Variants in KCTD16 observed in about 807,000 individuals in gnomAD.
The protein encoded by KCTD16 is BTB/POZ domain-containing protein KCTD16.
A neutral mutation model predicts 33.2 loss-of-function variants in KCTD16; 13 were observed. That is an observed-to-expected ratio of 0.39 (90% CI 0.25 to 0.62). The LOEUF is 0.62. KCTD16 is among the 20% of genes least tolerant of loss of function. The pLI is 0.50. For missense variants in KCTD16, 441 were observed against 525.1 expected, an observed-to-expected ratio of 0.84 and a Z score of 1.57; for synonymous variants, 197 against 195.3, an observed-to-expected ratio of 1.01 and a Z score of -0.07.
chr5:144,369,769 C>A (rs979315496), intron 3 of KCTD16, among the ~76,000 whole-genome samples: 7 of 151,960 alleles, frequency 4.6e-5, no homozygotes, highest in Non-Finnish European at 1.0e-4. Flanking sequence ...TACAGCATTT[C>A]CCAGGTGTAA....
chr5:144,326,543 A>G (rs990131702), intron 3 of KCTD16, among the ~76,000 whole-genome samples: 3 of 152,128 alleles, frequency 2.0e-5, no homozygotes, highest in Non-Finnish European at 2.9e-5. Context: ...ATACTGTTTC[A>G]CATATAAAAC....
chr5:144,467,101 T>G (rs1754363972), intron 3 of KCTD16, among the ~76,000 whole-genome samples: 3 of 141,248 alleles, frequency 2.1e-5, no homozygotes, highest in South Asian at 4.3e-4. Context: ...ATATTATATA[T>G]AATATATATA....
intron 3 of KCTD16, among the ~76,000 whole-genome samples, chr5:144,356,748 A>T (rs1751580070): frequency 1.3e-5 from 2 of 152,102 alleles, no homozygotes; most frequent in Non-Finnish European, 1.5e-5. Context: ...AGGACAACAT[A>T]GTTTCTCCCC....
At chr5:144,461,997 T>C (rs1483629919) in intron 3 of KCTD16, among the ~76,000 whole-genome samples, 2 of 152,210 alleles carry the variant, frequency 1.3e-5, no homozygotes, top group East Asian at 3.9e-4. Flanking sequence ...AGAATTATAC[T>C]TTGTTTTCTT....
At chr5:144,293,104 C>G (rs1455362379) in intron 3 of KCTD16, among the ~76,000 whole-genome samples, 1 of 152,192 alleles carries the variant, frequency 6.6e-6, no homozygotes, top group African/African-American at 2.4e-5. Context: ...CTCACAGCAT[C>G]CAAATTCTAC....
At chr5:144,193,036 G>T (rs1025192945) in intron 2 of KCTD16, among the ~76,000 whole-genome samples, 5 of 152,232 alleles carry the variant, frequency 3.3e-5, no homozygotes, top group African/African-American at 9.6e-5. Context: ...ACCACCACCT[G>T]TACCCCCAAA....
intron 3 of KCTD16, among the ~76,000 whole-genome samples, chr5:144,329,645 T>C (rs1049169462): frequency 2.0e-5 from 3 of 152,184 alleles, no homozygotes; most frequent in South Asian, 2.1e-4. Context: ...TTAAATATAT[T>C]TGAAGGAATA....
At chr5:144,412,579 TAGA>T (rs1489573844) in intron 3 of KCTD16, among the ~76,000 whole-genome samples, 1 of 152,082 alleles carries the variant, frequency 6.6e-6, no homozygotes, top group Non-Finnish European at 1.5e-5. Context: ...TACAGTTTAA[TAGA>T]AGAAGATCGA....
At chr5:144,431,837 A>C (rs931539152) in intron 3 of KCTD16, among the ~76,000 whole-genome samples, 1 of 152,172 alleles carries the variant, frequency 6.6e-6, no homozygotes, top group Non-Finnish European at 1.5e-5. Flanking sequence ...GATTCATGGA[A>C]AAATTGCCTG....
At chr5:144,418,166 G>A (rs986988307) in intron 3 of KCTD16, among the ~76,000 whole-genome samples, 2 of 152,120 alleles carry the variant, frequency 1.3e-5, no homozygotes, top group African/African-American at 4.8e-5. Context: ...AGACCTTCTT[G>A]GCAAGTGTTA....
intron 3 of KCTD16, among the ~76,000 whole-genome samples, chr5:144,431,479 A>T (rs1220571183): frequency 6.6e-6 from 1 of 152,158 alleles, no homozygotes; most frequent in African/African-American, 2.4e-5. Flanking sequence ...TTACTAATGG[A>T]ATCAAGTTTG....
intron 2 of KCTD16, among the ~76,000 whole-genome samples, chr5:144,193,227 G>GTCA (rs1383805246): frequency 6.6e-6 from 1 of 152,130 alleles, no homozygotes; most frequent in Non-Finnish European, 1.5e-5. Flanking sequence ...ACCAGAACAT[G>GTCA]TCACTTCTAA....
chr5:144,439,145 G>A (rs925140061), intron 3 of KCTD16: 1 of 164,230 alleles, frequency 6.1e-6, no homozygotes, highest in African/African-American at 2.4e-5. Context: ...AATATTTGGT[G>A]CTGCTGGGAG....
chr5:144,178,351 G>A (rs1236987254), intron 2 of KCTD16, among the ~76,000 whole-genome samples: 2 of 152,042 alleles, frequency 1.3e-5, no homozygotes, highest in East Asian at 1.9e-4. Context: ...TAATCATAAT[G>A]CTTTTAATGT....
intron 2 of KCTD16, among the ~76,000 whole-genome samples, chr5:144,182,085 CAAAAAAAA>C (rs371259746): frequency 8.4e-6 from 1 of 119,426 alleles, no homozygotes; most frequent in Non-Finnish European, 1.9e-5. Flanking sequence ...AACTCCATCT[CAAAAAAAA>C]AAAAAAAAGT....
At chr5:144,471,714 C>G (rs1754480836) in intron 3 of KCTD16, among the ~76,000 whole-genome samples, 1 of 152,174 alleles carries the variant, frequency 6.6e-6, no homozygotes, top group Non-Finnish European at 1.5e-5. Context: ...ATATGCTGAA[C>G]AGTTTCTGTA....
At chr5:144,327,577 A>G (rs1469582675) in intron 3 of KCTD16, among the ~76,000 whole-genome samples, 1 of 152,138 alleles carries the variant, frequency 6.6e-6, no homozygotes, top group East Asian at 1.9e-4. Context: ...TCTACAGATA[A>G]TCACTGTTAA....
intron 3 of KCTD16, among the ~76,000 whole-genome samples, chr5:144,330,696 C>G (rs573298740): frequency 6.6e-6 from 1 of 152,076 alleles, no homozygotes; most frequent in East Asian, 1.9e-4. Context: ...ACATTGATTA[C>G]CAATAGCCTC....
chr5:144,255,456 G>T (rs1197326371), intron 3 of KCTD16, among the ~76,000 whole-genome samples: 2 of 152,122 alleles, frequency 1.3e-5, no homozygotes, highest in Non-Finnish European at 2.9e-5. Context: ...CCAACAGTGT[G>T]CAGGTTCCAA....
Sources: gnomAD v4.1 joint callset for allele counts (sites outside exome capture counted in the v4.1 genomes callset) on GRCh38, gnomAD v4.1.1 for gene constraint, MANE v1.5 for transcripts, NCBI Gene and HGNC (gene_info 2026-07-23, HGNC 2026-07-21) for gene names.